Variants in EYS observed in about 807,000 individuals in gnomAD.
The protein encoded by EYS is protein eyes shut homolog.
EYS carries 250 observed loss-of-function variants against 282.1 expected under a neutral mutation model. The ratio of observed to expected loss-of-function variants is 0.89; its 90% CI spans 0.80 to 0.98. The LOEUF (loss-of-function observed/expected upper bound fraction) is 0.98. EYS is among the 50% of genes least tolerant of loss of function. EYS has a pLI of 0.00. For missense variants in EYS, 4,016 were observed against 3,709.0 expected, an observed-to-expected ratio of 1.08 and a Z score of -2.15; for synonymous variants, 1,355 against 1,282.9, an observed-to-expected ratio of 1.06 and a Z score of -1.20.
intron 35 of EYS, among the ~76,000 whole-genome samples, chr6:63,927,132 T>A (rs1764739546): frequency 6.6e-6 from 1 of 152,220 alleles, no homozygotes; most frequent in Non-Finnish European, 1.5e-5. Context: ...CTGTGTGATG[T>A]TGGGAAATTA....
Position 65,604,842 on chromosome 6 carries a change from C to CCT in EYS, c.-333+34935_-333+34936insAG, listed in dbSNP as rs35924341. On this transcript the variant is annotated intron_variant, in intron 2 of 42. Transcript: ENST00000503581. Reference sequence around the variant, plus strand: ...AAAAGACCTTTAAATTCACTGCCCCCTTTTTTTTTTTTTTTTTTTGAGACA... The same window carrying CCT: ...AAAAGACCTTTAAATTCACTGCCCCCCTTTTTTTTTTTTTTTTTTTTGAGACA... Among the ~76,000 whole-genome samples the CCT allele has an allele frequency of 2.4e-4, 31 of 130,404 alleles. 1 individual carries two copies. The highest frequency in any genetic ancestry group is 1.2e-3 in the East Asian group (5 of 4,260). 85.6% of individuals were successfully genotyped at this position (130,404 alleles called of 152,430 possible). A position where few individuals can be genotyped will look rare whatever the true frequency, so the allele number is the denominator to read the frequency against.
intron 31 of EYS, among the ~76,000 whole-genome samples, chr6:64,120,217 A>G (rs1349553397): frequency 3.8e-4 from 57 of 151,462 alleles, no homozygotes; most frequent in African/African-American, 1.4e-3. Flanking sequence ...TTAGCCAGGC[A>G]TGGTGGCGGG....
At chr6:64,875,137 T>C (rs551543515) in intron 19 of EYS, among the ~76,000 whole-genome samples, 1 of 152,172 alleles carries the variant, frequency 6.6e-6, no homozygotes, top group African/African-American at 2.4e-5. Context: ...CCCCATTCAA[T>C]TGACCCCAAT....
At chr6:65,246,089 T>C (rs1370121001) in intron 12 of EYS, among the ~76,000 whole-genome samples, 1 of 152,112 alleles carries the variant, frequency 6.6e-6, no homozygotes, top group African/African-American at 2.4e-5. Flanking sequence ...CAAAATGATT[T>C]TTCTCATTCA....
At chr6:64,565,084 A>G (rs1041782744) in intron 26 of EYS, among the ~76,000 whole-genome samples, 1 of 151,988 alleles carries the variant, frequency 6.6e-6, no homozygotes, top group African/African-American at 2.4e-5. Flanking sequence ...TGTGGTTTGC[A>G]GTTATTTTCT....
At chr6:64,237,833 T>C (rs542501485) in intron 30 of EYS, among the ~76,000 whole-genome samples, 36 of 152,296 alleles carry the variant, frequency 2.4e-4, no homozygotes, top group African/African-American at 7.5e-4. Context: ...AAAAAACATA[T>C]ATAATTGTCA....
intron 31 of EYS, among the ~76,000 whole-genome samples, chr6:64,159,565 A>C (rs1291480635): frequency 1.4e-5 from 2 of 143,014 alleles, no homozygotes; most frequent in Non-Finnish European, 3.0e-5. Flanking sequence ...GTCTTAAAAA[A>C]AAAAAAAAAA....
At chr6:63,866,843 G>C (rs931423012) in intron 35 of EYS, among the ~76,000 whole-genome samples, 6 of 152,196 alleles carry the variant, frequency 3.9e-5, no homozygotes, top group African/African-American at 1.4e-4. Context: ...ACTCAATTGA[G>C]ATGTTGCCAG....
intron 5 of EYS, among the ~76,000 whole-genome samples, chr6:65,457,302 C>T (rs1764661032): frequency 6.6e-6 from 1 of 152,072 alleles, no homozygotes; most frequent in Admixed American, 6.6e-5. Flanking sequence ...GTTTCTGTGA[C>T]CACAGGCATG....
At chr6:65,145,414 C>T (rs914511649) in intron 12 of EYS, among the ~76,000 whole-genome samples, 1 of 151,298 alleles carries the variant, frequency 6.6e-6, no homozygotes, top group Non-Finnish European at 1.5e-5. Flanking sequence ...TTATTGAAGC[C>T]CTGTATCTTT....
At chr6:64,230,032 A>G (rs1037149328) in intron 31 of EYS, among the ~76,000 whole-genome samples, 5 of 152,222 alleles carry the variant, frequency 3.3e-5, no homozygotes, top group Non-Finnish European at 5.9e-5. Context: ...TTAGTTGTCT[A>G]GCATTTCCCT....
At chr6:64,380,895 A>T (rs547862547) in intron 29 of EYS, among the ~76,000 whole-genome samples, 1 of 152,052 alleles carries the variant, frequency 6.6e-6, no homozygotes, top group Admixed American at 6.6e-5. Flanking sequence ...GGTACCTGTA[A>T]TCCCAGCCAC....
intron 12 of EYS, among the ~76,000 whole-genome samples, chr6:65,194,641 C>T (rs888810376): frequency 3.3e-5 from 5 of 151,814 alleles, no homozygotes; most frequent in Non-Finnish European, 5.9e-5. Flanking sequence ...TGTGTTAAGG[C>T]CTTTGTCCAT....
chr6:64,516,953 T>C (rs2150523007), intron 26 of EYS, among the ~76,000 whole-genome samples: 1 of 151,896 alleles, frequency 6.6e-6, no homozygotes, highest in East Asian at 1.9e-4. Context: ...GCATTATCAA[T>C]TTATGTTGAT....
chr6:65,406,498 T>A (rs935479476), intron 5 of EYS, among the ~76,000 whole-genome samples: 2 of 152,102 alleles, frequency 1.3e-5, no homozygotes, highest in Non-Finnish European at 2.9e-5. Flanking sequence ...TCTAATAATA[T>A]TTTGCCTAAC....
At position 65,008,594 on chromosome 6, in the gene EYS, A is replaced by T. The variant is rs1360820676; in HGVS notation, c.2138-10891T>A. Among the ~76,000 whole-genome samples, 5 of 152,200 alleles carry T rather than the reference A, an allele frequency of 3.3e-5. 1 individual carries two copies. Among genetic ancestry groups the T allele is most frequent in the Non-Finnish European group, 5.9e-5 (4 of 68,034 alleles). On this transcript the variant is annotated intron_variant, in intron 13 of 42. Transcript: ENST00000503581. Reference sequence around the variant, plus strand: ...CCAGTGCAGTCTACAAAGACACTTTAAAAAAGATTGTCCAAGTAGAAGTAA... The same window carrying T: ...CCAGTGCAGTCTACAAAGACACTTTTAAAAAGATTGTCCAAGTAGAAGTAA...
chr6:64,767,438 T>C (rs946954919), intron 22 of EYS, among the ~76,000 whole-genome samples: 1 of 152,124 alleles, frequency 6.6e-6, no homozygotes, highest in Non-Finnish European at 1.5e-5. Flanking sequence ...CCCCATACTC[T>C]TTCCAGCCTC....
intron 31 of EYS, among the ~76,000 whole-genome samples, chr6:64,215,570 T>A (rs4710470): frequency 6.6e-6 from 1 of 152,082 alleles, no homozygotes; most frequent in Non-Finnish European, 1.5e-5. Context: ...AATTTCTATA[T>A]TTTTTCATTT....
chr6:64,527,788 G>A (rs1777971551), intron 26 of EYS, among the ~76,000 whole-genome samples: 1 of 151,432 alleles, frequency 6.6e-6, no homozygotes, highest in South Asian at 2.1e-4. Flanking sequence ...TATGTTTTTT[G>A]TTATACAACA....
Sources: allele counts gnomAD v4.1 joint callset (sites outside exome capture counted in the v4.1 genomes callset), GRCh38; gene constraint gnomAD v4.1.1; transcripts MANE v1.5; gene names NCBI Gene and HGNC (gene_info 2026-07-23, HGNC 2026-07-21).